Variants in BRI3 observed in about 807,000 individuals in gnomAD.
BRI3 encodes membrane protein BRI3.
A neutral mutation model predicts 12.8 loss-of-function variants in BRI3; 6 were observed. The observed-to-expected ratio is 0.47, with a 90% CI of 0.26 to 0.93. The LOEUF (loss-of-function observed/expected upper bound fraction) is 0.93, where lower values mean the gene tolerates loss of function less well. BRI3 is among the 40% of genes least tolerant of loss of function. BRI3 has a pLI of 0.15. For missense variants in BRI3, 134 were observed against 171.1 expected (o/e 0.78, Z 1.21); for synonymous variants, 91 against 76.1 (o/e 1.20, Z -1.02).
upstream of BRI3, among the ~76,000 whole-genome samples, chr7:98,306,129 T>C (rs1220108305): frequency 3.3e-5 from 5 of 152,030 alleles, no homozygotes; most frequent in Non-Finnish European, 5.9e-5. Context: ...AAGATAAGTG[T>C]AAGATAAGGA....
intron 2 of BRI3, among the ~76,000 whole-genome samples, chr7:98,285,146 G>T (rs1799668774): frequency 6.6e-6 from 1 of 152,212 alleles, no homozygotes. Flanking sequence ...GGAAATCCTG[G>T]AAAGGATTTC....
the BRI3 span, among the ~76,000 whole-genome samples, chr7:98,318,097 C>G: frequency 6.6e-6 from 1 of 152,138 alleles, no homozygotes; most frequent in African/African-American, 2.4e-5. Flanking sequence ...ACCATCCACA[C>G]ACTGGTTAGA....
chr7:98,309,131 G>A (rs1006169), exon 2 of BRI3: 37,183 of 151,760 alleles, frequency 0.25, 4,869 homozygotes, highest in East Asian at 0.45. Flanking sequence ...TCTCTACTTC[G>A]CTGGTGTTGA....
exon 2 of BRI3, chr7:98,310,404 T>G: frequency 1.1e-5 from 17 of 1,555,240 alleles, no homozygotes; most frequent in Non-Finnish European, 1.5e-5. Context: ...TTAAAACAAA[T>G]GTAAAAGGTA....
chr7:98,320,972 T>A, the BRI3 span, among the ~76,000 whole-genome samples: 1 of 152,172 alleles, frequency 6.6e-6, no homozygotes. Context: ...TCCTTCCACC[T>A]CAGCCTCCCG....
intron 2 of BRI3, among the ~76,000 whole-genome samples, chr7:98,283,757 A>G (rs564165992): frequency 7.2e-5 from 11 of 152,194 alleles, no homozygotes; most frequent in Non-Finnish European, 1.5e-4. Flanking sequence ...CCTGCCAGGA[A>G]CAGCGGGGCT....
chr7:98,292,721 A>G (rs763937289), downstream of BRI3: 297 of 1,551,528 alleles, frequency 1.9e-4, no homozygotes, highest in Non-Finnish European at 2.4e-4. Flanking sequence ...GACCCCGAGC[A>G]GTTTGAGTGT....
At chr7:98,282,263 G>C in intron 1 of BRI3, 88 bp from the exon 2 acceptor site, 4 of 1,167,272 alleles carry the variant, frequency 3.4e-6, no homozygotes, top group East Asian at 2.5e-5. Flanking sequence ...TTTTAGCGGG[G>C]TGGAGGTTGA....
At chr7:98,293,681 C>A (rs1800064410), downstream of BRI3, 1 of 1,354,450 alleles carries the variant, frequency 7.4e-7, no homozygotes, top group South Asian at 1.2e-5. Flanking sequence ...CGTTCTTGCC[C>A]TGTGAGACTG....
downstream of BRI3, chr7:98,293,531 A>G (rs1800056154): frequency 6.2e-7 from 1 of 1,613,416 alleles, no homozygotes; most frequent in African/African-American, 1.3e-5. Context: ...TCATCGAATG[A>G]TGGGTGCCGA....
downstream of BRI3, chr7:98,312,337 A>C: frequency 6.8e-7 from 1 of 1,467,884 alleles, no homozygotes; most frequent in Non-Finnish European, 9.2e-7. Flanking sequence ...ACATCACGTC[A>C]TATCGCTGAT....
intron 1 of BRI3, 143 bp downstream of exon 1, chr7:98,282,080 C>A: frequency 8.5e-7 from 1 of 1,181,336 alleles, no homozygotes; most frequent in Non-Finnish European, 1.1e-6. Context: ...GGACCCGGCG[C>A]CGCCGAGGGC....
chr7:98,303,224 A>ATCT (rs1024969190), upstream of BRI3, among the ~76,000 whole-genome samples: 9 of 152,196 alleles, frequency 5.9e-5, no homozygotes, highest in African/African-American at 2.2e-4. Flanking sequence ...ACATCTTAGA[A>ATCT]GCACATCCGT....
At chr7:98,282,525 A>T in intron 2 of BRI3, 72 bp downstream of exon 2, 1 of 1,288,118 alleles carries the variant, frequency 7.8e-7, no homozygotes, top group Non-Finnish European at 1.1e-6. Flanking sequence ...CCAGGACCTC[A>T]CAGCTCTGCT....
At chr7:98,296,643 AAACC>A (rs1223041250), downstream of BRI3, among the ~76,000 whole-genome samples, 4 of 152,144 alleles carry the variant, frequency 2.6e-5, no homozygotes, top group African/African-American at 9.7e-5. Context: ...AAAAAACAAA[AAACC>A]AACAAAACAA....
upstream of BRI3, among the ~76,000 whole-genome samples, chr7:98,303,024 A>G (rs1053573051): frequency 2.0e-5 from 3 of 152,132 alleles, no homozygotes; most frequent in Non-Finnish European, 4.4e-5. Flanking sequence ...GGCTCAAGTG[A>G]TCCTCCTGCC....
chr7:98,315,665 T>A, the BRI3 span: 2 of 938,138 alleles, frequency 2.1e-6, no homozygotes, highest in South Asian at 4.3e-5. Flanking sequence ...GACATGAGCA[T>A]CAGATAGCGT....
At chr7:98,321,029 T>G in the BRI3 span, among the ~76,000 whole-genome samples, 3 of 152,072 alleles carry the variant, frequency 2.0e-5, no homozygotes, top group Non-Finnish European at 4.4e-5. Context: ...GCTATTTTTT[T>G]GGGACATTTT....
At chr7:98,301,243 T>C (rs1012844061) in intron 1 of BRI3, among the ~76,000 whole-genome samples, 7 of 152,192 alleles carry the variant, frequency 4.6e-5, no homozygotes, top group African/African-American at 1.7e-4. Context: ...CCTGTGGGCG[T>C]CACCTCCACC....
Sources: allele counts gnomAD v4.1 joint callset (sites outside exome capture counted in the v4.1 genomes callset), GRCh38; gene constraint gnomAD v4.1.1; transcripts MANE v1.5; gene names NCBI Gene and HGNC (gene_info 2026-07-23, HGNC 2026-07-21).